The following NCOA1 variants were observed in gnomAD, a reference collection of about 807,000 sequenced individuals.
The protein encoded by NCOA1 is nuclear receptor coactivator 1.
In NCOA1, 35 loss-of-function variants were observed where a neutral mutation model predicts 150.9. The observed-to-expected ratio is 0.23, with a 90% CI of 0.18 to 0.31. The LOEUF (loss-of-function observed/expected upper bound fraction) is 0.31. Among genes scored for constraint, NCOA1 ranks in the 10% least tolerant of loss-of-function variants. The pLI is 1.00. For missense variants in NCOA1, 1,491 were observed against 1,749.3 expected (o/e 0.85, Z 2.63); for synonymous variants, 590 against 630.0 (o/e 0.94, Z 0.95).
At chr2:24,496,610 AGT>A (rs1663226522) in intron 1 of NCOA1, among the ~76,000 whole-genome samples, 1 of 152,004 alleles carries the variant, frequency 6.6e-6, no homozygotes, top group African/African-American at 2.4e-5. Context: ...TTCTCTTTTT[AGT>A]GTGTGTTGAT....
At chr2:24,738,707 G>A (rs1343080763) in intron 17 of NCOA1, among the ~76,000 whole-genome samples, 2 of 152,180 alleles carry the variant, frequency 1.3e-5, no homozygotes, top group Non-Finnish European at 2.9e-5. Flanking sequence ...GTTTTACCTT[G>A]TGTAACCCAT....
intron 2 of NCOA1, among the ~76,000 whole-genome samples, chr2:24,576,149 G>GTTTTTTTTTGTTTGTTT (rs1666947727): frequency 4.3e-5 from 4 of 94,024 alleles, no homozygotes; most frequent in African/African-American, 1.8e-4. Context: ...TTTGGCCTTT[G>GTTTTTTTTTGTTTGTTT]TTTTTTTTTT....
chr2:24,659,324 G>A (rs1671080679), intron 5 of NCOA1, among the ~76,000 whole-genome samples: 2 of 151,942 alleles, frequency 1.3e-5, no homozygotes, highest in Admixed American at 1.3e-4. Flanking sequence ...GAACATTATG[G>A]CATTAATGGA....
chr2:24,741,711 T>G (rs1365076310), intron 18 of NCOA1, 73 bp from the exon 19 acceptor site: 1 of 1,474,110 alleles, frequency 6.8e-7, no homozygotes, highest in African/African-American at 1.4e-5. Flanking sequence ...AAGTAGGCCT[T>G]AATCCAATGA....
intron 1 of NCOA1, among the ~76,000 whole-genome samples, chr2:24,500,831 A>T (rs1358447844): frequency 6.6e-6 from 1 of 152,266 alleles, no homozygotes; most frequent in Non-Finnish European, 1.5e-5. Flanking sequence ...TGATTCAAAA[A>T]GTAACTACCT....
chr2:24,666,071 G>T (rs1435287795), intron 6 of NCOA1, among the ~76,000 whole-genome samples, 156 bp downstream of exon 6: 2 of 151,586 alleles, frequency 1.3e-5, no homozygotes, highest in Non-Finnish European at 2.9e-5. Flanking sequence ...GAGTGCAGTG[G>T]TGCGATCTCG....
intron 2 of NCOA1, among the ~76,000 whole-genome samples, chr2:24,569,771 G>A (rs1458062563): frequency 3.2e-4 from 48 of 150,144 alleles, no homozygotes; most frequent in African/African-American, 1.0e-3. Flanking sequence ...TTGGGAGGCC[G>A]AGGCAGGAGA....
At chr2:24,521,706 C>G (rs1049604378) in intron 1 of NCOA1, among the ~76,000 whole-genome samples, 1 of 152,232 alleles carries the variant, frequency 6.6e-6, no homozygotes, top group East Asian at 1.9e-4. Flanking sequence ...AGTTGGAGAT[C>G]TCCTTAATAT....
At chr2:24,603,488 A>G (rs1052090658) in intron 3 of NCOA1, among the ~76,000 whole-genome samples, 4 of 152,248 alleles carry the variant, frequency 2.6e-5, no homozygotes, top group African/African-American at 4.8e-5. Context: ...GTTAATCTCA[A>G]ACTCAGCCAC....
At chr2:24,736,221 C>CAAAA (rs758822213) in intron 17 of NCOA1, among the ~76,000 whole-genome samples, 1 of 63,582 alleles carries the variant, frequency 1.6e-5, no homozygotes. Context: ...AACTCCGTCT[C>CAAAA]AAAAAAAAAA....
chr2:24,513,815 G>T (rs148444249), intron 1 of NCOA1, among the ~76,000 whole-genome samples: 1 of 152,286 alleles, frequency 6.6e-6, no homozygotes, highest in Non-Finnish European at 1.5e-5. Context: ...GGTTCTAGAT[G>T]GTTAGCAGCT....
rs1663625444 is a variant in NCOA1 at position 24,741,958 on chromosome 2, C to T, written c.3478C>T (p.Pro1160Ser). ...LPVQMGNPRL[P>S]QGAPQQFPYP... ...AGTTCAAATGGGGAACCCCCGTCTT[C>T]CTCAGGGTGCTCCACAGCAATTCCC... Residue 1160 changes from proline (P) to serine (S), a missense_variant, in exon 19 of 23, where the codon CCT becomes TCT. Physicochemically the swap from Pro to Ser is moderately conservative, Grantham distance 74 (BLOSUM62 -1). This residue lies in a region of NCOA1 where 485 missense variants were observed against 522.8 expected (regional missense o/e 0.93). Coordinates refer to ENST00000348332, the MANE Select transcript of NCOA1 (RefSeq NM_003743.5). 6.2e-7 allele frequency: 1 copy of T among 1,614,230 alleles called. No homozygotes were observed. Among genetic ancestry groups the T allele is most frequent in the Non-Finnish European group, 8.5e-7 (1 of 1,180,046 alleles).
At chr2:24,721,355 T>A (rs1674349829) in intron 14 of NCOA1, among the ~76,000 whole-genome samples, 1 of 152,224 alleles carries the variant, frequency 6.6e-6, no homozygotes, top group Non-Finnish European at 1.5e-5. Context: ...GCTTTCTTTC[T>A]CCTGTTGACT....
In NCOA1 at chr2:24,491,478, C is replaced by T. The variant is rs1379920812; in HGVS notation, c.-520C>T. Among the ~76,000 whole-genome samples, 2 of 147,832 alleles carry T rather than the reference C, an allele frequency of 1.4e-5. No homozygotes were observed. Among genetic ancestry groups the T allele is most frequent in the African/African-American group, 4.9e-5 (2 of 41,036 alleles). The stretch of plus-strand genomic sequence containing the variant: ...TCCCCCTGCGGGGGGACCCCTGCTC[C>T]GGAGGAGGGGGCCGGAGAGCCGCGG... On this transcript the variant is annotated 5_prime_UTR_variant, in exon 1 of 23. Coordinates refer to ENST00000348332, the MANE Select transcript of NCOA1 (RefSeq NM_003743.5).
At chr2:24,682,899 T>G (rs1672241812) in intron 7 of NCOA1, 52 bp from the exon 8 acceptor site, 4 of 1,472,606 alleles carry the variant, frequency 2.7e-6, no homozygotes, top group Non-Finnish European at 3.7e-6. Context: ...TATAGTTTAA[T>G]TTTTCTTTTA....
In NCOA1 at chr2:24,729,957, T is replaced by C. The variant is rs568956767; in HGVS notation, c.3201+142T>C. 8.8e-6 allele frequency: 7 copies of C among 794,372 alleles called. No homozygotes were observed. In the East Asian group the frequency reaches 1.9e-4, roughly 21 times the overall value. The allele number at this position is 794,372 out of a possible 1,614,324, so 49.2% of individuals were successfully genotyped here. A position where few individuals can be genotyped will look rare whatever the true frequency, so the allele number is the denominator to read the frequency against. ...GCCTCCCAGGTTCAAGCAATTCTCCTGCCTCAGACTCCCGAGTAGCTGGGA... is the reference window on the plus strand; with the variant it reads ...GCCTCCCAGGTTCAAGCAATTCTCCCGCCTCAGACTCCCGAGTAGCTGGGA... On this transcript the variant is annotated intron_variant, in intron 17 of 22. Coordinates refer to ENST00000348332, the MANE Select transcript of NCOA1 (RefSeq NM_003743.5).
intron 7 of NCOA1, among the ~76,000 whole-genome samples, chr2:24,679,852 C>T (rs1007522140): frequency 2.0e-5 from 3 of 151,948 alleles, no homozygotes; most frequent in East Asian, 1.9e-4. Flanking sequence ...TCACGGCGAT[C>T]GGGTAGAATA....
intron 1 of NCOA1, among the ~76,000 whole-genome samples, chr2:24,558,417 G>A (rs1027325203): frequency 7.2e-5 from 11 of 152,240 alleles, no homozygotes; most frequent in South Asian, 2.1e-4. Flanking sequence ...GAATCATGGC[G>A]GGAGGTGAAA....
At chr2:24,762,848 A>G in intron 22 of NCOA1, 72 bp downstream of exon 22, 1 of 1,358,672 alleles carries the variant, frequency 7.4e-7, no homozygotes, top group African/African-American at 1.4e-5. Context: ...GTGTAGCATC[A>G]TTAAGAGCCT....
Sources: gnomAD v4.1 joint callset for allele counts (sites outside exome capture counted in the v4.1 genomes callset) on GRCh38, gnomAD v4.1.1 for gene constraint, gnomAD v4.1.1 regional missense constraint, MANE v1.5 for transcripts, NCBI Gene and HGNC (gene_info 2026-07-23, HGNC 2026-07-21) for gene names.